The following DPP6 variants were observed in gnomAD, a reference collection of about 807,000 sequenced individuals.
DPP6 encodes the protein A-type potassium channel modulatory protein DPP6.
DPP6 carries 69 observed loss-of-function variants against 122.6 expected under a neutral mutation model. The observed-to-expected ratio is 0.56, with a 90% CI of 0.46 to 0.69. DPP6 has a LOEUF of 0.69. Ranked by LOEUF, DPP6 falls within the 30% of genes least tolerant of loss-of-function variation. The pLI is 0.00. For missense variants in DPP6, 928 were observed against 1,116.9 expected, an observed-to-expected ratio of 0.83 and a Z score of 2.41; for synonymous variants, 418 against 433.1, an observed-to-expected ratio of 0.97 and a Z score of 0.43.
intron 11 of DPP6, 148 bp from the exon 12 acceptor site, chr7:154,795,697 C>T: frequency 1.7e-6 from 2 of 1,151,106 alleles, no homozygotes; most frequent in South Asian, 3.2e-5. Flanking sequence ...CCCAGAGCTG[C>T]CGTGGCAGCT....
In DPP6 at chr7:154,060,375, G is replaced by C. The variant is rs1441389053; in HGVS notation, c.243+7312G>C. ...GGCAGGGACTGAGAGCCAGCCCCTG[G>C]TTCCCCCACTGGCTCTTAGGACCCC... On this transcript the variant is annotated intron_variant, in intron 1 of 25. Transcript: ENST00000377770. 7.0e-3 allele frequency among the ~76,000 whole-genome samples: 223 copies of C among 32,076 alleles called. 1 individual carries two copies. Among genetic ancestry groups the C allele is most frequent in the African/African-American group, 0.02 (128 of 6,554 alleles). 21.0% of individuals were successfully genotyped at this position (32,076 alleles called of 152,430 possible).
chr7:153,825,735 AT>A, the DPP6 span, among the ~76,000 whole-genome samples: 3 of 151,946 alleles, frequency 2.0e-5, no homozygotes, highest in African/African-American at 7.2e-5. Context: ...AATTTTTTGT[AT>A]TTTTAGTAGA....
intron 16 of DPP6, among the ~76,000 whole-genome samples, chr7:154,830,777 C>T (rs1282962377): frequency 6.6e-6 from 1 of 152,238 alleles, no homozygotes; most frequent in African/African-American, 2.4e-5. Flanking sequence ...TCCAAGCACA[C>T]ACCGTGCACG....
chr7:154,841,903 G>A (rs1801579378), intron 16 of DPP6, among the ~76,000 whole-genome samples: 1 of 152,072 alleles, frequency 6.6e-6, no homozygotes, highest in African/African-American at 2.4e-5. Flanking sequence ...TCAATCCCAG[G>A]TTTGATGTCA....
intron 5 of DPP6, among the ~76,000 whole-genome samples, chr7:154,580,293 C>T (rs145025794): frequency 1.4e-3 from 215 of 152,052 alleles, no homozygotes; most frequent in Non-Finnish European, 2.5e-3. Flanking sequence ...TAGTATATTT[C>T]CTCCCTACCT....
chr7:153,758,841 C>G, the DPP6 span, among the ~76,000 whole-genome samples: 1 of 151,900 alleles, frequency 6.6e-6, no homozygotes, highest in Non-Finnish European at 1.5e-5. Context: ...CATTTATGTA[C>G]AAGTTTTTAT....
At chr7:154,064,793 G>T (rs1427741022) in intron 1 of DPP6, among the ~76,000 whole-genome samples, 1 of 152,132 alleles carries the variant, frequency 6.6e-6, no homozygotes, top group Admixed American at 6.5e-5. Flanking sequence ...TCTCATTCAG[G>T]GTTTCTGGTT....
chr7:154,609,257 A>G (rs569433788), intron 5 of DPP6, among the ~76,000 whole-genome samples: 1 of 152,358 alleles, frequency 6.6e-6, no homozygotes. Flanking sequence ...AGCATGTTGC[A>G]GGAACCCAGT....
In DPP6 at chr7:154,853,802, G is replaced by C; in HGVS notation, c.1689G>C (p.Thr563=). Residue 563 remains threonine (T), a synonymous_variant, in exon 17 of 26, where the codon ACG becomes ACC. Transcript: ENST00000377770. ...KCEGPGVPMV[T]VHNTTDKKKM... Reference sequence around the variant, plus strand: ...CAGGTCCTGGTGTTCCTATGGTGACGGTGCACAACACAACAGATAAGAAAA... The same window carrying C: ...CAGGTCCTGGTGTTCCTATGGTGACCGTGCACAACACAACAGATAAGAAAA... The C allele has an allele frequency of 6.2e-7, 1 of 1,613,712 alleles. No homozygotes were observed. Among genetic ancestry groups the C allele is most frequent in the Non-Finnish European group, 8.5e-7 (1 of 1,179,790 alleles).
chr7:153,861,437 A>G, the DPP6 span, among the ~76,000 whole-genome samples: 1 of 152,214 alleles, frequency 6.6e-6, no homozygotes, highest in African/African-American at 2.4e-5. Context: ...AGCATATTCA[A>G]AAGATGCATA....
intron 1 of DPP6, among the ~76,000 whole-genome samples, chr7:153,965,666 C>G (rs1181739594): frequency 5.3e-5 from 8 of 152,084 alleles, no homozygotes; most frequent in African/African-American, 1.9e-4. Flanking sequence ...GCGCCCACCA[C>G]CACGCCTGGC....
At chr7:154,781,185 G>A (rs1212794777) in intron 10 of DPP6, among the ~76,000 whole-genome samples, 1 of 152,080 alleles carries the variant, frequency 6.6e-6, no homozygotes, top group African/African-American at 2.4e-5. Context: ...ACAGTAGATG[G>A]ATGGATGGAT....
At chr7:153,787,052 C>T in the DPP6 span, among the ~76,000 whole-genome samples, 34 of 146,484 alleles carry the variant, frequency 2.3e-4, 2 homozygotes, top group South Asian at 2.5e-3. Context: ...CCCGGGTTCA[C>T]GCCATTCTCC....
intron 1 of DPP6, among the ~76,000 whole-genome samples, chr7:154,269,424 G>T (rs1428923392): frequency 6.6e-6 from 1 of 152,260 alleles, no homozygotes; most frequent in Middle Eastern, 3.4e-3. Context: ...GTAGTCAGTG[G>T]TCACTCAGCC....
At chr7:154,127,634 G>C (rs138994067) in intron 1 of DPP6, among the ~76,000 whole-genome samples, 5,331 of 59,038 alleles carry the variant, frequency 0.09, 360 homozygotes, top group African/African-American at 0.22. Context: ...CACACACACA[G>C]ACACACACAC....
chr7:154,528,694 C>T (rs1461723098), intron 3 of DPP6, among the ~76,000 whole-genome samples: 1 of 152,190 alleles, frequency 6.6e-6, no homozygotes, highest in Non-Finnish European at 1.5e-5. Flanking sequence ...AAACAAATAA[C>T]TCTATCATGC....
intron 1 of DPP6, among the ~76,000 whole-genome samples, chr7:154,122,087 A>G (rs1314130803): frequency 6.6e-6 from 1 of 152,230 alleles, no homozygotes; most frequent in African/African-American, 2.4e-5. Context: ...ATGTAAAGCT[A>G]AGGAAGGACA....
rs1473174859 is a variant in DPP6, at chr7:154,863,210, T to TTG, written c.1715-4783_1715-4782dup. On this transcript the variant is annotated intron_variant, in intron 17 of 25. Transcript: ENST00000377770. This position sits in a 1 kb window ranked among gnomAD's most constrained non-coding sequence, Gnocchi z 4.1. ...AGCCACCGCACCCGAACCCTTTCCT[T>TTG]TGTCTTTTCTATTTTGTTCATAAAG... 1.3e-5 allele frequency among the ~76,000 whole-genome samples: 2 copies of TTG among 152,180 alleles called. No individual in the cohort carries two copies. The highest frequency in any genetic ancestry group is 2.9e-5 in the Non-Finnish European group (2 of 68,028).
chr7:154,463,150 C>T (rs1821439560), intron 2 of DPP6, among the ~76,000 whole-genome samples: 1 of 150,162 alleles, frequency 6.7e-6, no homozygotes, highest in East Asian at 2.0e-4. Context: ...TGAGCTGGTA[C>T]CTAAGTTGCA....
Sources: gnomAD v4.1 joint callset for allele counts (sites outside exome capture counted in the v4.1 genomes callset) on GRCh38, gnomAD v4.1.1 for gene constraint, Gnocchi (gnomAD v3.1) non-coding constraint, MANE v1.5 for transcripts, NCBI Gene and HGNC (gene_info 2026-07-23, HGNC 2026-07-21) for gene names.